ANKRD42: variants seen among roughly 807,000 people sequenced by gnomAD.
ANKRD42 encodes the protein ankyrin repeat domain-containing protein 42.
ANKRD42 carries 43 observed loss-of-function variants against 51.5 expected under a neutral mutation model. That is an observed-to-expected ratio of 0.83 (90% CI 0.65 to 1.08). ANKRD42 has a LOEUF of 1.08. Ranked by LOEUF, ANKRD42 falls within the 50% of genes least tolerant of loss-of-function variation. ANKRD42 has a pLI of 0.00. For missense variants in ANKRD42, 608 were observed against 629.3 expected, an observed-to-expected ratio of 0.97 and a Z score of 0.36; for synonymous variants, 203 against 213.0, an observed-to-expected ratio of 0.95 and a Z score of 0.41.
At chr11:83,257,065 T>C (rs183669996), downstream of ANKRD42, among the ~76,000 whole-genome samples, 1 of 152,174 alleles carries the variant, frequency 6.6e-6, no homozygotes, top group Admixed American at 6.5e-5. Flanking sequence ...GAACTAAAAA[T>C]AGTGAATATA....
intron 11 of ANKRD42, among the ~76,000 whole-genome samples, chr11:83,254,201 T>C (rs1388946116): frequency 1.3e-5 from 2 of 152,026 alleles, no homozygotes; most frequent in East Asian, 3.9e-4. Context: ...CTCAAACTCC[T>C]GAGCTCAAAG....
chr11:83,224,779 GTC>G (rs1862821244), intron 5 of ANKRD42, 74 bp from the exon 6 acceptor site: 3 of 1,203,762 alleles, frequency 2.5e-6, no homozygotes, highest in Non-Finnish European at 3.3e-6. Flanking sequence ...GCAAGATCTT[GTC>G]TCTAAATACA....
chr11:83,262,954 C>G (rs1360758789), downstream of ANKRD42, among the ~76,000 whole-genome samples: 2 of 152,156 alleles, frequency 1.3e-5, no homozygotes, highest in Non-Finnish European at 2.9e-5. Flanking sequence ...TGAGCAATTA[C>G]ACACACTACT....
intron 3 of ANKRD42, among the ~76,000 whole-genome samples, chr11:83,207,161 A>G (rs968764077): frequency 6.6e-6 from 1 of 152,216 alleles, no homozygotes; most frequent in Admixed American, 6.5e-5. Flanking sequence ...AGCTTCTTAT[A>G]AGACCATCAG....
chr11:83,235,088 G>T (rs1863186803), intron 7 of ANKRD42, among the ~76,000 whole-genome samples: 1 of 152,200 alleles, frequency 6.6e-6, no homozygotes, highest in South Asian at 2.1e-4. Context: ...CCAACCATGT[G>T]CCTGTACTGT....
Position 83,248,095 on chromosome 11 carries a change from T to C in ANKRD42, c.1475T>C (p.Val492Ala). The part of the protein sequence containing the change: ...QVPNFVAMVG[V>A]LFNTFIFLKK... ...CCAAACTTTGTGGCTATGGTTGGTG[T>C]CCTTTTTAATACATTTATTTTTCTC... Residue 492 changes from valine (V) to alanine (A), a missense_variant, in exon 11 of 11, where the codon GTC (valine) becomes GCC (alanine). Val to Ala is a moderately conservative substitution (Grantham distance 64, BLOSUM62 0). Coordinates refer to ENST00000533342, the MANE Select transcript of ANKRD42 (RefSeq NM_001300975.2). 2 of 1,559,218 alleles carry C rather than the reference T, an allele frequency of 1.3e-6. No individual in the cohort carries two copies. The highest frequency in any genetic ancestry group is 2.4e-5 in the East Asian group (1 of 41,482).
chr11:83,220,226 C>T (rs1862676380), intron 5 of ANKRD42, among the ~76,000 whole-genome samples: 1 of 152,162 alleles, frequency 6.6e-6, no homozygotes, highest in South Asian at 2.1e-4. Context: ...AACTAAAGCT[C>T]CCAACCCCGA....
intron 1 of ANKRD42, among the ~76,000 whole-genome samples, chr11:83,195,591 C>T (rs561451369): frequency 7.2e-5 from 11 of 152,174 alleles, no homozygotes; most frequent in Non-Finnish European, 1.3e-4. Flanking sequence ...TATATCCTCT[C>T]TGTCCTTCAG....
At chr11:83,206,865 AG>A (rs1417006415) in intron 3 of ANKRD42, among the ~76,000 whole-genome samples, 1 of 152,222 alleles carries the variant, frequency 6.6e-6, no homozygotes, top group Admixed American at 6.5e-5. Flanking sequence ...AATATATGGT[AG>A]GATCTAGTTT....
chr11:83,200,860 T>C (rs1484720201), intron 2 of ANKRD42, among the ~76,000 whole-genome samples: 1 of 152,184 alleles, frequency 6.6e-6, no homozygotes, highest in Non-Finnish European at 1.5e-5. Flanking sequence ...ATGGTAGACT[T>C]ATTTCTCTAA....
At chr11:83,203,822 A>G (rs192746789) in intron 2 of ANKRD42, among the ~76,000 whole-genome samples, 3 of 152,362 alleles carry the variant, frequency 2.0e-5, no homozygotes, top group East Asian at 1.9e-4. Context: ...GTAAAAAACC[A>G]TGCTTTATTG....
At chr11:83,250,770 A>G (rs1228508356), downstream of ANKRD42, among the ~76,000 whole-genome samples, 2 of 152,084 alleles carry the variant, frequency 1.3e-5, no homozygotes, top group Non-Finnish European at 2.9e-5. Flanking sequence ...TATTTTCTCA[A>G]CTACCCAGTC....
chr11:83,215,768 T>C (rs1862507497), intron 5 of ANKRD42, among the ~76,000 whole-genome samples: 1 of 152,130 alleles, frequency 6.6e-6, no homozygotes, highest in Non-Finnish European at 1.5e-5. Context: ...TTGGCCTTTT[T>C]GTTGCTTCTA....
chr11:83,256,857 G>C (rs1488011795), downstream of ANKRD42, among the ~76,000 whole-genome samples: 1 of 151,954 alleles, frequency 6.6e-6, no homozygotes. Flanking sequence ...ATGAACTTTG[G>C]CTTCCAAGGT....
downstream of ANKRD42, among the ~76,000 whole-genome samples, chr11:83,263,396 T>A (rs974360765): frequency 6.6e-6 from 1 of 152,214 alleles, no homozygotes; most frequent in Non-Finnish European, 1.5e-5. Context: ...ACAACAACAA[T>A]TGGAGCCATC....
At chr11:83,221,341 A>G (rs910824378) in intron 5 of ANKRD42, among the ~76,000 whole-genome samples, 2 of 152,174 alleles carry the variant, frequency 1.3e-5, no homozygotes, top group Non-Finnish European at 2.9e-5. Flanking sequence ...GCTATTTTGA[A>G]TTCTTTGAGA....
At chr11:83,203,784 C>T (rs562535718) in intron 2 of ANKRD42, among the ~76,000 whole-genome samples, 1 of 152,192 alleles carries the variant, frequency 6.6e-6, no homozygotes, top group South Asian at 2.1e-4. Flanking sequence ...ATATTGGTTG[C>T]AAGAAATAAT....
At chr11:83,213,808 T>C (rs1862421587) in intron 5 of ANKRD42, 1 of 153,794 alleles carries the variant, frequency 6.5e-6, no homozygotes, top group African/African-American at 2.4e-5. Flanking sequence ...ATTACCAATA[T>C]CTTTTCATGC....
At chr11:83,207,576 G>T (rs1862125540) in intron 3 of ANKRD42, among the ~76,000 whole-genome samples, 2 of 152,208 alleles carry the variant, frequency 1.3e-5, no homozygotes, top group African/African-American at 4.8e-5. Context: ...CAGGCAATAT[G>T]TTAGGAGCAA....
Sources: allele counts gnomAD v4.1 joint callset (sites outside exome capture counted in the v4.1 genomes callset), GRCh38; gene constraint gnomAD v4.1.1; transcripts MANE v1.5; gene names NCBI Gene and HGNC (gene_info 2026-07-23, HGNC 2026-07-21).